Variants in LPP observed in about 807,000 individuals in gnomAD.
LPP encodes lipoma-preferred partner.
In LPP, 38 loss-of-function variants were observed where a neutral mutation model predicts 60.4. The observed-to-expected ratio is 0.63, with a 90% confidence interval of 0.49 to 0.83. The LOEUF (loss-of-function observed/expected upper bound fraction) is 0.83, where lower values mean the gene tolerates loss of function less well. Ranked by LOEUF, LPP falls within the 40% of genes least tolerant of loss-of-function variation. The probability of loss-of-function intolerance (pLI) is 0.00; values close to 1 mark genes in which losing one functional copy is unlikely to be tolerated. For missense variants in LPP, 902 were observed against 783.6 expected (o/e 1.15, Z -1.80); for synonymous variants, 328 against 290.8 (o/e 1.13, Z -1.30).
At chr3:188,553,021 T>A (rs1378772984) in intron 6 of LPP, among the ~76,000 whole-genome samples, 1 of 152,280 alleles carries the variant, frequency 6.6e-6, no homozygotes, top group South Asian at 2.1e-4. Flanking sequence ...AAAGTGTGTT[T>A]CGTGCTAATG....
intron 4 of LPP, among the ~76,000 whole-genome samples, chr3:188,445,521 G>A (rs1006230601): frequency 8.5e-5 from 13 of 152,108 alleles, no homozygotes; most frequent in African/African-American, 2.7e-4. Context: ...ATAGCATTAG[G>A]AGAAATACCT....
chr3:188,457,521 G>A (rs568250823), intron 4 of LPP, among the ~76,000 whole-genome samples: 26 of 152,008 alleles, frequency 1.7e-4, no homozygotes, highest in African/African-American at 6.3e-4. Context: ...TGGTCTAAGC[G>A]CTTGAAATGC....
intron 7 of LPP, among the ~76,000 whole-genome samples, chr3:188,613,702 T>C (rs896459768): frequency 3.9e-5 from 6 of 152,192 alleles, no homozygotes; most frequent in Admixed American, 1.3e-4. Context: ...TTTCCAGAAT[T>C]AGAACAGATT....
At chr3:188,450,536 T>C (rs1318963534) in intron 4 of LPP, among the ~76,000 whole-genome samples, 1 of 152,030 alleles carries the variant, frequency 6.6e-6, no homozygotes, top group Non-Finnish European at 1.5e-5. Context: ...TCTGAGGTCA[T>C]GAGTTCGAGA....
At position 188,399,169 on chromosome 3, in the gene LPP, T is replaced by C. The variant is rs541940278; in HGVS notation, c.-9-6943T>C. Among the ~76,000 whole-genome samples, 3 of 152,312 alleles carry C rather than the reference T, an allele frequency of 2.0e-5. No individual in the cohort carries two copies. The South Asian group carries it at 6.2e-4, about 32-fold the overall frequency. ...TAACGGAAGTTACACAGTGGGCTCA[T>C]GGCGGAGCCAAGACTAGAAGCTGGG... On this transcript the variant is annotated intron_variant, in intron 3 of 11. Coordinates refer to ENST00000617246, the MANE Select transcript of LPP (RefSeq NM_001375462.1).
At chr3:188,776,661 A>G (rs1186112603) in intron 9 of LPP, among the ~76,000 whole-genome samples, 2 of 152,212 alleles carry the variant, frequency 1.3e-5, no homozygotes, top group Non-Finnish European at 2.9e-5. Flanking sequence ...TGCCTGTCCT[A>G]TTCTGATAAG....
intron 7 of LPP, among the ~76,000 whole-genome samples, chr3:188,692,255 A>G (rs1181618536): frequency 6.6e-6 from 1 of 152,234 alleles, no homozygotes; most frequent in Non-Finnish European, 1.5e-5. Flanking sequence ...ATATGGGTTG[A>G]CTTTACCAGC....
intron 1 of LPP, among the ~76,000 whole-genome samples, chr3:188,201,708 A>G (rs1731143883): frequency 6.6e-6 from 1 of 152,136 alleles, no homozygotes; most frequent in African/African-American, 2.4e-5. Context: ...TTCCATCTCA[A>G]TAAGACAAAA....
intron 4 of LPP, among the ~76,000 whole-genome samples, chr3:188,413,500 G>A (rs183536243): frequency 2.6e-5 from 4 of 152,210 alleles, no homozygotes; most frequent in Admixed American, 2.0e-4. Flanking sequence ...AATGAAGCTC[G>A]GGTTTGCCTG....
chr3:188,574,128 G>T (rs1834088099), intron 6 of LPP, among the ~76,000 whole-genome samples: 1 of 152,146 alleles, frequency 6.6e-6, no homozygotes. Flanking sequence ...GAGCTGGATA[G>T]AAAGCATGCC....
chr3:188,298,910 T>C (rs1241233092), intron 2 of LPP, among the ~76,000 whole-genome samples: 1 of 152,204 alleles, frequency 6.6e-6, no homozygotes, highest in African/African-American at 2.4e-5. Flanking sequence ...ATGAGGCCAG[T>C]CATGAGGCTC....
intron 9 of LPP, among the ~76,000 whole-genome samples, chr3:188,841,378 G>A (rs543365215): frequency 1.4e-5 from 2 of 143,542 alleles, no homozygotes; most frequent in South Asian, 4.5e-4. Context: ...TTGGTCACCT[G>A]CCCTTTCTGA....
chr3:188,540,114 G>T (rs1824750163), intron 6 of LPP, among the ~76,000 whole-genome samples: 1 of 152,098 alleles, frequency 6.6e-6, no homozygotes, highest in Non-Finnish European at 1.5e-5. Flanking sequence ...AACATGACCT[G>T]GCCCCTGTGG....
intron 1 of LPP, among the ~76,000 whole-genome samples, 195 bp downstream of exon 1, chr3:188,154,447 G>C (rs920416513): frequency 6.6e-5 from 10 of 152,212 alleles, no homozygotes; most frequent in Admixed American, 6.5e-4. Context: ...GGGGGACCCA[G>C]AGTTTTTCCA....
chr3:188,351,105 A>C (rs1223075315), intron 3 of LPP, among the ~76,000 whole-genome samples: 1 of 152,152 alleles, frequency 6.6e-6, no homozygotes, highest in South Asian at 2.1e-4. Context: ...CATATTTTAA[A>C]GGCTTTGAAT....
chr3:188,227,570 A>G (rs1183795075), intron 2 of LPP, among the ~76,000 whole-genome samples: 1 of 152,018 alleles, frequency 6.6e-6, no homozygotes, highest in Admixed American at 6.6e-5. Flanking sequence ...TGAGTGGGTG[A>G]TTCTGCAAAC....
rs572799397 is a variant in LPP, at chr3:188,584,447, A to G, written c.430-24714A>G. 3 of 152,194 alleles carry G rather than the reference A, an allele frequency of 2.0e-5. No individual in the cohort carries two copies. The South Asian group carries it at 6.2e-4, about 32-fold the overall frequency. The allele number at this position is 152,194 out of a possible 1,614,324, so 9.4% of individuals were successfully genotyped here. On this transcript the variant is annotated intron_variant, in intron 6 of 11. Transcript: ENST00000617246. ...AACTGACAAAGAAGGTTCTCTGATA[A>G]GAGAAAGAATTAAATGAGGAATTTT...
intron 7 of LPP, among the ~76,000 whole-genome samples, chr3:188,655,099 C>G (rs1258829254): frequency 6.6e-6 from 1 of 152,134 alleles, no homozygotes; most frequent in Non-Finnish European, 1.5e-5. Context: ...CCAGAAGATA[C>G]AAAATGAACT....
In LPP at chr3:188,877,107, C is replaced by T. The variant is rs1337982659; in HGVS notation, c.*2628C>T. On this transcript the variant is annotated 3_prime_UTR_variant, in exon 12 of 12. Transcript: ENST00000617246. ...AAGGTATAATAAGGAAAGGATCCTA[C>T]AATATTTTATTCTAGGGTTTCTTAA... is the stretch of plus-strand genomic sequence containing the variant. 1 of 172,822 alleles carries T rather than the reference C, an allele frequency of 5.8e-6. No individual in the cohort carries two copies. The highest frequency in any genetic ancestry group is 1.2e-5 in the Non-Finnish European group (1 of 80,176). 10.7% of individuals were successfully genotyped at this position (172,822 alleles called of 1,614,324 possible).
Sources: allele counts gnomAD v4.1 joint callset (sites outside exome capture counted in the v4.1 genomes callset), GRCh38; gene constraint gnomAD v4.1.1; transcripts MANE v1.5; gene names NCBI Gene and HGNC (gene_info 2026-07-23, HGNC 2026-07-21).